Variants in C3orf52 observed in about 807,000 individuals in gnomAD.
C3orf52 encodes the protein chromosome 3 open reading frame 52.
A neutral mutation model predicts 24.8 loss-of-function variants in C3orf52; 22 were observed. The observed-to-expected ratio is 0.89, with a 90% confidence interval of 0.63 to 1.27. C3orf52 has a LOEUF of 1.27. Among genes scored for constraint, C3orf52 ranks in the 50% most tolerant of loss-of-function variants. The probability of loss-of-function intolerance (pLI) is 0.00; values close to 1 mark genes in which losing one functional copy is unlikely to be tolerated. For synonymous variants in C3orf52, 93 were observed against 100.2 expected, an observed-to-expected ratio of 0.93 and a Z score of 0.43; for missense variants, 265 against 260.7, an observed-to-expected ratio of 1.02 and a Z score of -0.11.
downstream of C3orf52, chr3:112,119,453 G>A (rs1243431003): frequency 2.8e-6 from 2 of 702,902 alleles, no homozygotes; most frequent in Admixed American, 4.0e-5. Context: ...TATAATCAGA[G>A]GACGTTTTTT....
chr3:112,100,891 G>A (rs550048142), intron 2 of C3orf52, among the ~76,000 whole-genome samples: 2 of 152,220 alleles, frequency 1.3e-5, no homozygotes, highest in East Asian at 1.9e-4. Context: ...AATAATGGCA[G>A]CAAACAACAA....
intron 1 of C3orf52, among the ~76,000 whole-genome samples, chr3:112,086,901 A>G (rs1485190258): frequency 6.6e-6 from 1 of 152,190 alleles, no homozygotes; most frequent in East Asian, 1.9e-4. Context: ...AGTAGGGAGA[A>G]TGAGAATGAC....
intron 3 of C3orf52, among the ~76,000 whole-genome samples, chr3:112,107,339 C>T (rs78015156): frequency 0.063 from 9,598 of 152,148 alleles, 376 homozygotes; most frequent in East Asian, 0.12. Context: ...AAAAGATTCT[C>T]CTCTGCAGCA....
chr3:112,130,042 T>C (rs1290275666), downstream of C3orf52: 1 of 174,986 alleles, frequency 5.7e-6, no homozygotes, highest in East Asian at 1.4e-4. Context: ...ACAAACTTTC[T>C]AAAAATTGTC....
downstream of C3orf52, chr3:112,132,621 G>C (rs571286763): frequency 7.1e-6 from 7 of 984,436 alleles, no homozygotes; most frequent in East Asian, 1.1e-4. Context: ...ATTTAATCTA[G>C]ATGACCTCTG....
chr3:112,126,400 TCA>T (rs986366910), intron 4 of C3orf52, among the ~76,000 whole-genome samples: 9 of 152,304 alleles, frequency 5.9e-5, no homozygotes, highest in African/African-American at 2.2e-4. Context: ...ATACAATTCA[TCA>T]CACTCTCCTT....
At chr3:112,093,323 A>G in intron 1 of C3orf52, 37 bp from the exon 2 acceptor site, 3 of 1,611,012 alleles carry the variant, frequency 1.9e-6, no homozygotes, top group Non-Finnish European at 2.5e-6. Context: ...CTGTTGCAAC[A>G]CAATGACTGC....
intron 2 of C3orf52, among the ~76,000 whole-genome samples, chr3:112,099,319 C>T (rs1029711811): frequency 2.6e-5 from 4 of 152,076 alleles, no homozygotes; most frequent in African/African-American, 4.8e-5. Context: ...ATGCATTTTT[C>T]GGGGAGACAC....
intron 3 of C3orf52, among the ~76,000 whole-genome samples, chr3:112,105,215 T>C (rs1317881094): frequency 6.6e-6 from 1 of 152,208 alleles, no homozygotes; most frequent in African/African-American, 2.4e-5. Context: ...CAGTGCACTT[T>C]CTCTGTGTAT....
At chr3:112,113,462 C>T (rs2074106265) in intron 5 of C3orf52, among the ~76,000 whole-genome samples, 1 of 152,126 alleles carries the variant, frequency 6.6e-6, no homozygotes, top group South Asian at 2.1e-4. Flanking sequence ...GCCCTGTATC[C>T]TACTTTACAA....
chr3:112,086,932 C>T (rs902111137), intron 1 of C3orf52, among the ~76,000 whole-genome samples: 2 of 152,322 alleles, frequency 1.3e-5, no homozygotes, highest in Admixed American at 6.5e-5. Context: ...TCCTCCTTCT[C>T]TCAGAATCTC....
At chr3:112,103,434 GCCTCCAGCTGC>G (rs1323047730) in intron 3 of C3orf52, among the ~76,000 whole-genome samples, 2 of 152,096 alleles carry the variant, frequency 1.3e-5, no homozygotes, top group Non-Finnish European at 2.9e-5. Context: ...AAGATTCCTG[GCCTCCAGCTGC>G]ATAAATGCTG....
exon 5 of C3orf52, chr3:112,128,249 T>C: frequency 1.4e-6 from 1 of 701,526 alleles, no homozygotes; most frequent in Non-Finnish European, 2.6e-6. Flanking sequence ...GATGATACTA[T>C]CAAATTCCTA....
intron 4 of C3orf52, among the ~76,000 whole-genome samples, chr3:112,125,679 A>G (rs2074301355): frequency 6.8e-6 from 1 of 147,206 alleles, no homozygotes; most frequent in African/African-American, 2.5e-5. Flanking sequence ...CACAGGAGAC[A>G]GACAAGGGGC....
chr3:112,091,996 T>A (rs1329760481), intron 1 of C3orf52, among the ~76,000 whole-genome samples: 1 of 134,484 alleles, frequency 7.4e-6, no homozygotes, highest in African/African-American at 2.8e-5. Flanking sequence ...AGAGCGAGAC[T>A]CCATCTCAAG....
At chr3:112,102,719 C>A in intron 2 of C3orf52, 119 bp from the exon 3 acceptor site, 2 of 968,548 alleles carry the variant, frequency 2.1e-6, no homozygotes, top group Non-Finnish European at 3.0e-6. Flanking sequence ...TGTGTTCAGC[C>A]TTTACCCTTG....
rs372034327 is a variant in C3orf52, at chr3:112,116,839, T to C, written c.*193T>C. Reference sequence around the variant, plus strand: ...GCCCAGTAAAACAGCTCCCGAGCACTGCTTCAGCTGGGTCCAGTCTTGACA... The same window carrying C: ...GCCCAGTAAAACAGCTCCCGAGCACCGCTTCAGCTGGGTCCAGTCTTGACA... On this transcript the variant is annotated 3_prime_UTR_variant, in exon 6 of 6. Transcript: ENST00000264848. 43 of 1,537,602 alleles carry C rather than the reference T, an allele frequency of 2.8e-5. 1 individual carries two copies. In the South Asian group the frequency reaches 4.0e-4, roughly 14 times the overall value.
chr3:112,087,887 G>A (rs1278742682), intron 1 of C3orf52, among the ~76,000 whole-genome samples: 1 of 152,214 alleles, frequency 6.6e-6, no homozygotes, highest in African/African-American at 2.4e-5. Context: ...TTGCCACTAA[G>A]AAGTGTGTCC....
chr3:112,112,767 T>C, intron 4 of C3orf52, 197 bp from the exon 5 acceptor site: 1 of 643,714 alleles, frequency 1.6e-6, no homozygotes, highest in Non-Finnish European at 2.9e-6. Flanking sequence ...GAGGTTAGGA[T>C]CACCTCAACT....
Sources: allele counts gnomAD v4.1 joint callset (sites outside exome capture counted in the v4.1 genomes callset), GRCh38; gene constraint gnomAD v4.1.1; transcripts MANE v1.5; gene names NCBI Gene and HGNC (gene_info 2026-07-23, HGNC 2026-07-21).